ABCA13: variants seen among roughly 807,000 people sequenced by gnomAD.
ABCA13 encodes ATP-binding cassette sub-family A member 13.
ABCA13 carries 476 observed loss-of-function variants against 478.7 expected under a neutral mutation model. The observed-to-expected ratio is 0.99, with a 90% CI of 0.92 to 1.07. The LOEUF is 1.07. Among genes scored for constraint, ABCA13 ranks in the 50% least tolerant of loss-of-function variants. ABCA13 has a pLI of 0.00. For missense variants in ABCA13, 6,060 were observed against 5,910.6 expected (o/e 1.03, Z -0.83); for synonymous variants, 2,252 against 2,158.9 (o/e 1.04, Z -1.20).
chr7:48,519,380 C>T (rs967950886), intron 52 of ABCA13, among the ~76,000 whole-genome samples: 12 of 152,182 alleles, frequency 7.9e-5, no homozygotes, highest in African/African-American at 2.9e-4. Flanking sequence ...AATTGCCACA[C>T]CATCTTCCAC....
intron 41 of ABCA13, among the ~76,000 whole-genome samples, chr7:48,415,127 T>C (rs996584792): frequency 2.6e-5 from 4 of 152,168 alleles, no homozygotes; most frequent in Admixed American, 2.6e-4. Context: ...TGCAGCTATG[T>C]CAGACACCAC....
intron 16 of ABCA13, among the ~76,000 whole-genome samples, chr7:48,270,968 T>C (rs1795518443): frequency 6.6e-6 from 1 of 152,208 alleles, no homozygotes. Flanking sequence ...TCAAGTGTAT[T>C]ATCCTGCGTC....
intron 31 of ABCA13, among the ~76,000 whole-genome samples, chr7:48,365,921 A>T (rs575553646): frequency 4.6e-5 from 7 of 152,302 alleles, no homozygotes; most frequent in Non-Finnish European, 8.8e-5. Context: ...TGTCTACATT[A>T]CCCAAAACAA....
At chr7:48,193,161 A>G in intron 2 of ABCA13, 109 bp downstream of exon 2, 1 of 761,154 alleles carries the variant, frequency 1.3e-6, no homozygotes, top group South Asian at 1.7e-5. Flanking sequence ...AAATGAATAG[A>G]TAGGGTTTCA....
intron 38 of ABCA13, among the ~76,000 whole-genome samples, chr7:48,401,744 A>ACACACACACACACAC (rs1817634229): frequency 6.9e-6 from 1 of 143,894 alleles, no homozygotes; most frequent in Non-Finnish European, 1.5e-5. Context: ...AGAATTTTAA[A>ACACACACACACACAC]ACACACACAC....
intron 59 of ABCA13, chr7:48,626,475 G>T: frequency 3.1e-6 from 1 of 321,468 alleles, no homozygotes; most frequent in Non-Finnish European, 4.5e-6. Flanking sequence ...GGGAATCTTT[G>T]GGACCAAATT....
intron 39 of ABCA13, among the ~76,000 whole-genome samples, chr7:48,405,647 T>C (rs1164088204): frequency 6.6e-6 from 1 of 152,188 alleles, no homozygotes; most frequent in Non-Finnish European, 1.5e-5. Flanking sequence ...GCAAATTAAA[T>C]ACCACAAGCC....
chr7:48,423,699 G>C (rs1411085898), intron 41 of ABCA13, among the ~76,000 whole-genome samples: 1 of 152,154 alleles, frequency 6.6e-6, no homozygotes, highest in African/African-American at 2.4e-5. Context: ...TGAAAAGAAA[G>C]AGTGGATACA....
chr7:48,229,717 C>T, intron 6 of ABCA13, 108 bp from the exon 7 acceptor site: 1 of 1,333,408 alleles, frequency 7.5e-7, no homozygotes, highest in Non-Finnish European at 1.0e-6. Context: ...CCACATCTTG[C>T]AACAGCACTA....
intron 42 of ABCA13, among the ~76,000 whole-genome samples, chr7:48,440,153 G>T (rs898654977): frequency 1.3e-5 from 2 of 151,964 alleles, no homozygotes; most frequent in African/African-American, 4.8e-5. Flanking sequence ...TATAGTAAAT[G>T]GCACAGATGT....
intron 1 of ABCA13, among the ~76,000 whole-genome samples, chr7:48,191,216 C>T (rs1190319441): frequency 6.6e-6 from 1 of 152,136 alleles, no homozygotes; most frequent in Non-Finnish European, 1.5e-5. Context: ...ATCTCCTGAG[C>T]GTCCTTGACC....
Position 48,281,602 on chromosome 7 carries a change from C to T in ABCA13, c.8836+150C>T, listed in dbSNP as rs1797049377. The T allele has an allele frequency of 7.3e-6, 5 of 685,970 alleles. No individual in the cohort carries two copies. In the South Asian group the frequency reaches 8.2e-5, roughly 11 times the overall value. The allele number at this position is 685,970 out of a possible 1,614,324, so 42.5% of individuals were successfully genotyped here. A position where few individuals can be genotyped will look rare whatever the true frequency, so the allele number is the denominator to read the frequency against. On this transcript the variant is annotated intron_variant, in intron 19 of 61. Coordinates refer to ENST00000435803, the MANE Select transcript of ABCA13 (RefSeq NM_152701.5). ...GGCAACCAGGCCTTGAGGGATCTGC[C>T]CCTCCCAACCTCATTCCCACCACTG...
chr7:48,540,733 C>T (rs915402526), intron 55 of ABCA13, among the ~76,000 whole-genome samples: 3 of 152,216 alleles, frequency 2.0e-5, no homozygotes, highest in African/African-American at 7.2e-5. Context: ...TCCATGAATG[C>T]ACATCTTCAA....
intron 23 of ABCA13, among the ~76,000 whole-genome samples, chr7:48,308,204 T>C (rs1801199316): frequency 6.6e-6 from 1 of 152,192 alleles, no homozygotes. Context: ...GTCAGGATCA[T>C]GAATACCACT....
intron 58 of ABCA13, among the ~76,000 whole-genome samples, chr7:48,600,772 T>C (rs1790808847): frequency 6.6e-6 from 1 of 152,196 alleles, no homozygotes; most frequent in African/African-American, 2.4e-5. Flanking sequence ...CACTTTTAAA[T>C]CTTTTAAAGA....
intron 20 of ABCA13, among the ~76,000 whole-genome samples, chr7:48,294,379 C>T (rs1799030748): frequency 6.6e-6 from 1 of 151,640 alleles, no homozygotes; most frequent in Admixed American, 6.6e-5. Context: ...TTCATTCCTC[C>T]CAAGTTCATC....
At chr7:48,277,212 ACTGT>A (rs923619334) in intron 17 of ABCA13, among the ~76,000 whole-genome samples, 3 of 152,214 alleles carry the variant, frequency 2.0e-5, no homozygotes, top group African/African-American at 7.2e-5. Flanking sequence ...AGTAGGGCTG[ACTGT>A]CAGGAAGGGA....
At chr7:48,456,808 GT>G (rs34154306) in intron 43 of ABCA13, among the ~76,000 whole-genome samples, 28,605 of 148,454 alleles carry the variant, frequency 0.19, 3,129 homozygotes, top group African/African-American at 0.3. Flanking sequence ...TTATTTATTT[GT>G]TTTTTTTTTC....
intron 59 of ABCA13, among the ~76,000 whole-genome samples, chr7:48,617,714 A>T (rs1289744695): frequency 6.6e-6 from 1 of 152,130 alleles, no homozygotes; most frequent in Non-Finnish European, 1.5e-5. Context: ...TGCAGTGCTG[A>T]CCTTGACCTC....
Sources: allele counts gnomAD v4.1 joint callset (sites outside exome capture counted in the v4.1 genomes callset), GRCh38; gene constraint gnomAD v4.1.1; transcripts MANE v1.5; gene names NCBI Gene and HGNC (gene_info 2026-07-23, HGNC 2026-07-21).